Variants in ECD observed in about 807,000 individuals in gnomAD.
The protein encoded by ECD is ecdysoneless cell cycle regulator.
Under a neutral mutation model 77.2 loss-of-function variants are expected in ECD, and 59 were observed. That is an observed-to-expected ratio of 0.76 (90% confidence interval 0.62 to 0.95). The LOEUF is 0.95. Among genes scored for constraint, ECD ranks in the 40% least tolerant of loss-of-function variants. The probability of loss-of-function intolerance (pLI) is 0.00; values close to 1 mark genes in which losing one functional copy is unlikely to be tolerated. For missense variants in ECD, 704 were observed against 763.4 expected (o/e 0.92, Z 0.92); for synonymous variants, 233 against 267.4 (o/e 0.87, Z 1.26).
rs1257240907 is a variant in ECD, at chr10:73,134,731, A to G, written c.1787T>C (p.Val596Ala). 1.2e-6 allele frequency: 2 copies of G among 1,614,106 alleles called. No individual in the cohort carries two copies. The highest frequency in any genetic ancestry group is 1.7e-6 in the Non-Finnish European group (2 of 1,180,046). ...TGESVMAPVDVDLNLVSNILE... is the reference protein window; with the variant it reads ...TGESVMAPVDADLNLVSNILE... ...TATATTTGAAACCAGGTTCAGGTCT[A>G]CATCTACTGGTGCCATAACAGATTC... The change falls in exon 14 of 14, where the codon GTA becomes GCA. Residue 596 changes from valine (V) to alanine (A), a missense_variant. Physicochemically the swap from Val to Ala is moderately conservative, Grantham distance 64. Around this residue, in one of 3 missense-constraint regions of ECD, gnomAD observed 142 missense variants for 163.6 expected, o/e 0.87. Transcript: ENST00000372979.
intron 3 of ECD, 150 bp downstream of exon 3, chr10:73,160,284 A>G (rs1589121727): frequency 8.4e-6 from 1 of 119,608 alleles, no homozygotes; most frequent in African/African-American, 5.7e-5. Flanking sequence ...AGACTGTCTC[A>G]AAAAAAAAAA....
chr10:73,139,685 G>C lies in ECD; in HGVS notation c.1180C>G (p.Pro394Ala). ...EEILTLLQTIPFDIEDLKKEA... is the reference protein window; with the variant it reads ...EEILTLLQTIAFDIEDLKKEA... ...TTCTTAAGGTCTTCTATATCAAATG[G>C]TATTGTCTGTAATAAGGTTAAGATT... The change falls in exon 10 of 14, where the codon CCA becomes GCA. Residue 394 changes from proline (P) to alanine (A), a missense_variant. Coordinates refer to ENST00000372979, the MANE Select transcript of ECD (RefSeq NM_007265.3). 1 of 1,611,490 alleles carries C rather than the reference G, an allele frequency of 6.2e-7. No individual in the cohort carries two copies. Among genetic ancestry groups the C allele is most frequent in the Non-Finnish European group, 8.5e-7 (1 of 1,179,396 alleles).
At chr10:73,150,885 G>T (rs1396185781) in intron 7 of ECD, among the ~76,000 whole-genome samples, 1 of 152,176 alleles carries the variant, frequency 6.6e-6, no homozygotes, top group African/African-American at 2.4e-5. Context: ...AACAGGTGCT[G>T]GAGAGGATGT....
chr10:73,156,935 C>T (rs2133268689), intron 3 of ECD, among the ~76,000 whole-genome samples: 1 of 151,762 alleles, frequency 6.6e-6, no homozygotes, highest in African/African-American at 2.4e-5. Context: ...TACGAAAGTA[C>T]TATAGGGTTC....
intron 1 of ECD, among the ~76,000 whole-genome samples, chr10:73,166,423 A>G (rs1333933913): frequency 6.6e-6 from 1 of 152,206 alleles, no homozygotes; most frequent in African/African-American, 2.4e-5. Context: ...TAGTGACTGC[A>G]CTAATTTACA....
intron 11 of ECD, among the ~76,000 whole-genome samples, chr10:73,138,688 T>G (rs1289300438): frequency 6.6e-6 from 1 of 152,136 alleles, no homozygotes; most frequent in East Asian, 1.9e-4. Context: ...TGCCTCAGCC[T>G]TTCAAGTAGC....
intron 11 of ECD, among the ~76,000 whole-genome samples, chr10:73,138,476 G>A (rs113290858): frequency 3.9e-5 from 6 of 152,210 alleles, no homozygotes; most frequent in African/African-American, 1.4e-4. Context: ...TTCTTAAAGA[G>A]AGAATACCAA....
chr10:73,145,264 TGAGGCAGAAGAATCACTTGAACCCGG>T (rs1843108501), intron 9 of ECD, among the ~76,000 whole-genome samples: 2 of 152,032 alleles, frequency 1.3e-5, no homozygotes, highest in African/African-American at 4.8e-5. Flanking sequence ...CTTGGGAGGC[TGAGGCAGAAGAATCACTTGAACCCGG>T]GAGGCAGAGC....
rs1843421781 is a variant in ECD at position 73,164,327 on chromosome 10, G to C, written c.-13-377C>G. Among the ~76,000 whole-genome samples, 3 of 151,008 alleles carry C rather than the reference G, an allele frequency of 2.0e-5. No homozygotes were observed. In the South Asian group the frequency reaches 6.3e-4, roughly 32 times the overall value. On this transcript the variant is annotated intron_variant, in intron 1 of 13. Transcript: ENST00000372979. ...AGATCATGCCACTGCACTCCAGCTTGGGTGACAGAGCAAGACTCCAACTAA... is the reference window on the plus strand; with the variant it reads ...AGATCATGCCACTGCACTCCAGCTTCGGTGACAGAGCAAGACTCCAACTAA...
intron 7 of ECD, among the ~76,000 whole-genome samples, chr10:73,151,097 T>G (rs1467048279): frequency 6.6e-6 from 1 of 152,072 alleles, no homozygotes; most frequent in Non-Finnish European, 1.5e-5. Context: ...TGTGGCACTA[T>G]TCACAATAGC....
At chr10:73,144,956 G>A (rs1298132530) in intron 9 of ECD, among the ~76,000 whole-genome samples, 1 of 152,098 alleles carries the variant, frequency 6.6e-6, no homozygotes, top group African/African-American at 2.4e-5. Context: ...GTGATGGAAA[G>A]CTTAATTACC....
chr10:73,138,215 A>C, intron 11 of ECD, 145 bp from the exon 12 acceptor site: 2 of 588,660 alleles, frequency 3.4e-6, no homozygotes, highest in Non-Finnish European at 5.4e-6. Context: ...TTAAGTTTTA[A>C]AAATCCTTGA....
chr10:73,156,483 T>C, intron 4 of ECD, 30 bp from the exon 5 acceptor site: 6 of 1,609,116 alleles, frequency 3.7e-6, no homozygotes, highest in South Asian at 1.1e-5. Flanking sequence ...ATTTTCACAG[T>C]GGGCACTGGC....
At chr10:73,163,551 T>C (rs1564668402) in intron 2 of ECD, among the ~76,000 whole-genome samples, 182 bp downstream of exon 2, 1 of 152,218 alleles carries the variant, frequency 6.6e-6, no homozygotes, top group Non-Finnish European at 1.5e-5. Flanking sequence ...TTTTCATTAA[T>C]ATGATTTTTT....
Position 73,134,290 on chromosome 10 carries a change from C to T in ECD, c.*293G>A, listed in dbSNP as rs1040859533. ...GGAGAAATTTAAATATTTAGAATTA[C>T]TCCAAGGGTATATTGTGGTAGGGTA... On this transcript the variant is annotated 3_prime_UTR_variant, in exon 14 of 14. Transcript: ENST00000372979. 2 of 264,926 alleles carry T rather than the reference C, an allele frequency of 7.5e-6. No individual in the cohort carries two copies. The highest frequency in any genetic ancestry group is 2.2e-5 in the African/African-American group (1 of 45,432). The allele number at this position is 264,926 out of a possible 1,614,324, so 16.4% of individuals were successfully genotyped here. A position where few individuals can be genotyped will look rare whatever the true frequency, so the allele number is the denominator to read the frequency against.
At chr10:73,166,419 C>T (rs1843464328) in intron 1 of ECD, among the ~76,000 whole-genome samples, 1 of 152,188 alleles carries the variant, frequency 6.6e-6, no homozygotes, top group Non-Finnish European at 1.5e-5. Context: ...TCCATAGTGA[C>T]TGCACTAATT....
At chr10:73,163,366 A>C (rs1310101634) in intron 2 of ECD, among the ~76,000 whole-genome samples, 1 of 152,164 alleles carries the variant, frequency 6.6e-6, no homozygotes, top group African/African-American at 2.4e-5. Context: ...ACATCACCAA[A>C]ATAAGGAATC....
At chr10:73,145,525 G>A (rs1376572128) in intron 9 of ECD, among the ~76,000 whole-genome samples, 1 of 152,046 alleles carries the variant, frequency 6.6e-6, no homozygotes, top group Non-Finnish European at 1.5e-5. Flanking sequence ...ATCCTGGTGT[G>A]CAGAATGGGA....
At chr10:73,137,118 T>C (rs2133245774) in intron 12 of ECD, among the ~76,000 whole-genome samples, 200 bp from the exon 13 acceptor site, 1 of 151,972 alleles carries the variant, frequency 6.6e-6, no homozygotes, top group African/African-American at 2.4e-5. Flanking sequence ...TTTAATGTTG[T>C]GGAAAAGCGT....
Sources: gnomAD v4.1 joint callset for allele counts (sites outside exome capture counted in the v4.1 genomes callset) on GRCh38, gnomAD v4.1.1 for gene constraint, gnomAD v4.1.1 regional missense constraint, MANE v1.5 for transcripts, NCBI Gene and HGNC (gene_info 2026-07-23, HGNC 2026-07-21) for gene names.